Variants in LRCH1 observed in about 807,000 individuals in gnomAD.
The protein encoded by LRCH1 is leucine rich repeats and calponin homology domain containing 1, also known as leucine-rich repeat and calponin homology domain-containing protein 1.
In LRCH1, 23 loss-of-function variants were observed where a neutral mutation model predicts 94.9. The observed-to-expected ratio is 0.24, with a 90% CI of 0.17 to 0.34. LRCH1 has a LOEUF of 0.34. LRCH1 is among the 10% of genes least tolerant of loss of function. LRCH1 has a pLI of 1.00. For synonymous variants in LRCH1, 364 were observed against 354.9 expected, an observed-to-expected ratio of 1.03 and a Z score of -0.29; for missense variants, 790 against 945.9, an observed-to-expected ratio of 0.84 and a Z score of 2.16.
intron 18 of LRCH1, among the ~76,000 whole-genome samples, chr13:46,731,124 C>CT (rs34512042): frequency 0.37 from 46,635 of 127,426 alleles, 8,267 homozygotes; most frequent in East Asian, 0.53. Flanking sequence ...TTACTATAAG[C>CT]TTTTTTTTTT....
chr13:46,602,007 G>A (rs1055857865), intron 1 of LRCH1, among the ~76,000 whole-genome samples: 12 of 152,160 alleles, frequency 7.9e-5, no homozygotes, highest in South Asian at 2.1e-4. Flanking sequence ...GACTTGCAAC[G>A]TTGTCATATA....
intron 19 of LRCH1, among the ~76,000 whole-genome samples, chr13:46,735,809 T>TTTTTTC (rs1566257882): frequency 2.2e-5 from 3 of 137,668 alleles, no homozygotes; most frequent in Non-Finnish European, 4.7e-5. Context: ...TTTTTTTTTT[T>TTTTTTC]CGAGATGGAG....
chr13:46,690,810 G>A (rs979631683), intron 7 of LRCH1, among the ~76,000 whole-genome samples: 38 of 152,218 alleles, frequency 2.5e-4, no homozygotes, highest in Non-Finnish European at 4.0e-4. Context: ...ATCTTACATA[G>A]CTTCCTATTT....
At chr13:46,731,301 G>A (rs771228442) in intron 18 of LRCH1, among the ~76,000 whole-genome samples, 4 of 152,042 alleles carry the variant, frequency 2.6e-5, no homozygotes, top group African/African-American at 7.2e-5. Context: ...GCAGTGGCAC[G>A]ATCTTGGCTT....
At chr13:46,745,459 A>C (rs996491711), downstream of LRCH1, among the ~76,000 whole-genome samples, 1 of 152,078 alleles carries the variant, frequency 6.6e-6, no homozygotes, top group Non-Finnish European at 1.5e-5. Context: ...ACTGAGACTT[A>C]GCAAACGTTC....
intron 13 of LRCH1, among the ~76,000 whole-genome samples, chr13:46,707,674 T>C (rs1871836318): frequency 6.6e-6 from 1 of 152,212 alleles, no homozygotes; most frequent in African/African-American, 2.4e-5. Flanking sequence ...AATTGGATGG[T>C]CATTCCAATA....
intron 1 of LRCH1, among the ~76,000 whole-genome samples, chr13:46,604,803 C>G (rs2050670067): frequency 6.6e-6 from 1 of 152,094 alleles, no homozygotes. Context: ...GAGTTTTAAC[C>G]CTTATCATAA....
rs1269049073 is a variant in LRCH1 at position 46,750,531 on chromosome 13, T to C, written c.1981-9T>C. 11 of 1,530,616 alleles carry C rather than the reference T, an allele frequency of 7.2e-6. No homozygotes were observed. The East Asian group carries it at 2.7e-4, about 38-fold the overall frequency. The allele number at this position is 1,530,616 out of a possible 1,614,324, so 94.8% of individuals were successfully genotyped here. A position where few individuals can be genotyped will look rare whatever the true frequency, so the allele number is the denominator to read the frequency against. On this transcript the variant is annotated splice_polypyrimidine_tract_variant and intron_variant, in intron 18 of 18. Coordinates refer to the LRCH1 transcript ENST00000311191. ...CTAAAAATTGATGTTTTATTCTTTTTCCTTTTAGGAAAAGCTATGTCTCCC... is the reference window on the plus strand; with the variant it reads ...CTAAAAATTGATGTTTTATTCTTTTCCCTTTTAGGAAAAGCTATGTCTCCC...
chr13:46,599,213 A>G (rs1187421318), intron 1 of LRCH1, among the ~76,000 whole-genome samples: 6 of 152,326 alleles, frequency 3.9e-5, no homozygotes, highest in Middle Eastern at 3.4e-3. Context: ...AATTGCATGT[A>G]TACACCACAT....
chr13:46,675,645 G>A (rs895154564), intron 3 of LRCH1, among the ~76,000 whole-genome samples: 1 of 152,226 alleles, frequency 6.6e-6, no homozygotes. Context: ...TTCATTATTT[G>A]CTTGGGTAGC....
downstream of LRCH1, among the ~76,000 whole-genome samples, chr13:46,746,020 G>A (rs551630132): frequency 9.9e-5 from 15 of 152,224 alleles, no homozygotes; most frequent in African/African-American, 2.9e-4. Flanking sequence ...CAGGGGCCAC[G>A]GGACCTCTTC....
intron 1 of LRCH1, among the ~76,000 whole-genome samples, chr13:46,583,764 AT>A (rs34881091): frequency 0.15 from 21,376 of 142,774 alleles, 1,524 homozygotes; most frequent in East Asian, 0.25. Flanking sequence ...GAATTTTTCT[AT>A]TTTTTTTTTT....
chr13:46,672,366 G>A lies in LRCH1; in HGVS notation c.579+3210G>A, dbSNP rs1407504888. On this transcript the variant is annotated intron_variant, in intron 3 of 19. Coordinates refer to ENST00000389797, the MANE Select transcript of LRCH1 (RefSeq NM_001164211.2). ...TTTTTTTCATTATTTGAGGTCCCGTGCAGATGGGTGGCACATGGGTGAGAT... is the reference window on the plus strand; with the variant it reads ...TTTTTTTCATTATTTGAGGTCCCGTACAGATGGGTGGCACATGGGTGAGAT... 2.0e-5 allele frequency among the ~76,000 whole-genome samples: 3 copies of A among 151,604 alleles called. No individual in the cohort carries two copies. The East Asian group carries it at 5.8e-4, about 29-fold the overall frequency.
chr13:46,670,684 T>C (rs73193020), intron 3 of LRCH1, among the ~76,000 whole-genome samples: 10,500 of 151,064 alleles, frequency 0.07, 452 homozygotes, highest in East Asian at 0.21. Flanking sequence ...CAAAAGTTTC[T>C]ATTACAAGAA....
chr13:46,676,825 T>A (rs993828531), intron 3 of LRCH1, among the ~76,000 whole-genome samples: 1 of 152,180 alleles, frequency 6.6e-6, no homozygotes. Context: ...TCACTCAGGC[T>A]GGAATGCAGT....
intron 9 of LRCH1, among the ~76,000 whole-genome samples, chr13:46,696,913 C>T (rs1238479134): frequency 6.6e-6 from 1 of 152,002 alleles, no homozygotes; most frequent in African/African-American, 2.4e-5. Flanking sequence ...TACAAAAAAA[C>T]AAAAGCTAGC....
chr13:46,576,431 C>T (rs927072477), intron 1 of LRCH1, among the ~76,000 whole-genome samples: 4 of 152,192 alleles, frequency 2.6e-5, no homozygotes, highest in African/African-American at 9.6e-5. Context: ...TTGTCAGTTG[C>T]TGCTGAACTC....
chr13:46,593,283 C>CTTTTTTTTTTTTT (rs34821427), intron 1 of LRCH1, among the ~76,000 whole-genome samples: 1 of 92,202 alleles, frequency 1.1e-5, no homozygotes, highest in African/African-American at 4.2e-5. Flanking sequence ...TCTTTCTTTC[C>CTTTTTTTTTTTTT]TTTTTTTTTT....
At chr13:46,642,043 G>T (rs58980021) in intron 1 of LRCH1, among the ~76,000 whole-genome samples, 12,848 of 152,260 alleles carry the variant, frequency 0.084, 655 homozygotes, top group Middle Eastern at 0.16. Context: ...CCAGCTCCAC[G>T]CTGCAGAGCC....
Sources: allele counts gnomAD v4.1 joint callset (sites outside exome capture counted in the v4.1 genomes callset), GRCh38; gene constraint gnomAD v4.1.1; transcripts MANE v1.5; gene names NCBI Gene and HGNC (gene_info 2026-07-23, HGNC 2026-07-21).